Variants in SQLE observed in about 807,000 individuals in gnomAD.
SQLE encodes squalene monooxygenase.
A neutral mutation model predicts 60.7 loss-of-function variants in SQLE; 29 were observed. That is an observed-to-expected ratio of 0.48 (90% CI 0.36 to 0.65). The LOEUF (loss-of-function observed/expected upper bound fraction) is 0.65, where lower values mean the gene tolerates loss of function less well. Among genes scored for constraint, SQLE ranks in the 30% least tolerant of loss-of-function variants. The pLI is 0.00. For synonymous variants in SQLE, 237 were observed against 246.8 expected (o/e 0.96, Z 0.37); for missense variants, 605 against 684.1 (o/e 0.88, Z 1.29).
chr8:125,005,788 T>C (rs1814937583), intron 3 of SQLE, 83 bp downstream of exon 3: 1 of 1,230,112 alleles, frequency 8.1e-7, no homozygotes, highest in Admixed American at 3.2e-5. Flanking sequence ...ATTTTATAAA[T>C]TTTAATGAAT....
chr8:125,010,979 A>G (rs570339445), intron 6 of SQLE: 131 of 152,302 alleles, frequency 8.6e-4, no homozygotes, highest in African/African-American at 2.9e-3. Context: ...TTCATTTTCT[A>G]TATAAGTAGC....
chr8:125,017,752 AGGCCTTACAAATGTATT>A (rs1222094737), intron 7 of SQLE, among the ~76,000 whole-genome samples: 5 of 152,116 alleles, frequency 3.3e-5, no homozygotes, highest in Non-Finnish European at 5.9e-5. Flanking sequence ...TATTTTAAGG[AGGCCTTACAAATGTATT>A]GACATTATTG....
intron 6 of SQLE, among the ~76,000 whole-genome samples, chr8:125,010,038 C>T (rs918042337): frequency 6.6e-6 from 1 of 152,168 alleles, no homozygotes; most frequent in East Asian, 1.9e-4. Context: ...TATGTAACCA[C>T]TCTGTGAGGT....
At chr8:125,009,475 C>A in intron 6 of SQLE, 132 bp downstream of exon 6, 1 of 947,914 alleles carries the variant, frequency 1.1e-6, no homozygotes, top group Non-Finnish European at 1.5e-6. Context: ...CACTTAAAAA[C>A]AGCAAAACAA....
intron 1 of SQLE, among the ~76,000 whole-genome samples, chr8:125,002,138 A>C (rs1350215662): frequency 1.3e-5 from 2 of 152,152 alleles, no homozygotes; most frequent in Non-Finnish European, 2.9e-5. Flanking sequence ...TTAGAGTATC[A>C]GGATGGGGAA....
chr8:125,006,865 T>A (rs1199688702), intron 3 of SQLE, among the ~76,000 whole-genome samples: 1 of 151,634 alleles, frequency 6.6e-6, no homozygotes, highest in Admixed American at 6.6e-5. Context: ...CCACCACGCC[T>A]GGCAAATTTT....
chr8:125,020,746 G>A (rs1340664901), intron 9 of SQLE, 38 bp from the exon 10 acceptor site: 3 of 1,279,032 alleles, frequency 2.3e-6, no homozygotes, highest in Non-Finnish European at 2.3e-6. Context: ...CTACATAAGT[G>A]TGTACACATA....
chr8:125,001,608 TG>T (rs1264475168), intron 1 of SQLE, among the ~76,000 whole-genome samples: 1 of 151,048 alleles, frequency 6.6e-6, no homozygotes, highest in East Asian at 1.9e-4. Context: ...GACATACTAA[TG>T]GGAAGAGTAG....
At chr8:125,007,512 T>C in intron 4 of SQLE, 25 bp downstream of exon 4, 1 of 1,453,444 alleles carries the variant, frequency 6.9e-7, no homozygotes, top group Non-Finnish European at 9.3e-7. Context: ...ATGTCACCTC[T>C]TCCTAAGAGA....
At chr8:125,005,746 A>G (rs1254851879) in intron 3 of SQLE, 41 bp downstream of exon 3, 16 of 1,449,172 alleles carry the variant, frequency 1.1e-5, no homozygotes, top group Non-Finnish European at 1.5e-5. Flanking sequence ...TAAAGAATCA[A>G]TGCATTTAAA....
rs771221997 is a variant in SQLE at position 125,008,925 on chromosome 8, G to A, written c.823-46G>A. 3.7e-6 allele frequency: 5 copies of A among 1,346,078 alleles called. No individual in the cohort carries two copies. In the Admixed American group the frequency reaches 1.2e-4, roughly 31 times the overall value. 83.4% of individuals were successfully genotyped at this position (1,346,078 alleles called of 1,614,324 possible). A position where few individuals can be genotyped will look rare whatever the true frequency, so the allele number is the denominator to read the frequency against. ...TTTTTTAAGAATGGCTTTTTTTACT[G>A]TGTGTTTCTGACTACTAAACTGAGT... On this transcript the variant is annotated intron_variant, in intron 4 of 10. Coordinates refer to ENST00000265896, the MANE Select transcript of SQLE (RefSeq NM_003129.4).
intron 7 of SQLE, among the ~76,000 whole-genome samples, chr8:125,014,004 G>A (rs1815075804): frequency 6.6e-6 from 1 of 152,162 alleles, no homozygotes; most frequent in Non-Finnish European, 1.5e-5. Context: ...AAGAGGCAGT[G>A]GCATGATTAG....
At position 125,022,159 on chromosome 8, in the gene SQLE, T is replaced by TA. The variant is rs1173044242; in HGVS notation, c.*215dup. 8.9e-6 allele frequency: 3 copies of TA among 338,340 alleles called. No individual in the cohort carries two copies. The highest frequency in any genetic ancestry group is 1.6e-5 in the Non-Finnish European group (3 of 188,788). 21.0% of individuals were successfully genotyped at this position (338,340 alleles called of 1,614,324 possible). A position where few individuals can be genotyped will look rare whatever the true frequency, so the allele number is the denominator to read the frequency against. On this transcript the variant is annotated 3_prime_UTR_variant, in exon 11 of 11. Coordinates refer to ENST00000265896, the MANE Select transcript of SQLE (RefSeq NM_003129.4). Reference sequence around the variant, plus strand: ...TTTAAAATGAAGGGGTTAAATAAGTTAGACATTTAAAAGAAATGATTGTTA... The same window carrying TA: ...TTTAAAATGAAGGGGTTAAATAAGTTAAGACATTTAAAAGAAATGATTGTTA...
chr8:125,007,096 C>T (rs1047843479), intron 3 of SQLE, among the ~76,000 whole-genome samples: 3 of 151,986 alleles, frequency 2.0e-5, no homozygotes, highest in Non-Finnish European at 4.4e-5. Context: ...AGTTTCTCTG[C>T]CTATATTTTA....
At chr8:125,000,644 G>C (rs1257501783) in intron 1 of SQLE, among the ~76,000 whole-genome samples, 1 of 151,930 alleles carries the variant, frequency 6.6e-6, no homozygotes, top group East Asian at 1.9e-4. Flanking sequence ...TGTGGAGACA[G>C]GGTTTCACCA....
At position 124,999,306 on chromosome 8, in the gene SQLE, C is replaced by G; in HGVS notation, c.-98C>G. On this transcript the variant is annotated 5_prime_UTR_variant, in exon 1 of 11. Coordinates refer to ENST00000265896, the MANE Select transcript of SQLE (RefSeq NM_003129.4). Reference sequence around the variant, plus strand: ...TGTTTACTGGAGTCTGGCCGGCTCTCCGTGCTCCTCTTGGTACCTCATTTT... The same window carrying G: ...TGTTTACTGGAGTCTGGCCGGCTCTGCGTGCTCCTCTTGGTACCTCATTTT... The G allele has an allele frequency of 2.4e-6, 3 of 1,249,170 alleles. No homozygotes were observed. Among genetic ancestry groups the G allele is most frequent in the East Asian group, 5.7e-5 (2 of 35,178 alleles). The allele number at this position is 1,249,170 out of a possible 1,614,324, so 77.4% of individuals were successfully genotyped here.
chr8:125,011,439 T>G (rs770977110), intron 6 of SQLE, 98 bp from the exon 7 acceptor site: 1 of 852,820 alleles, frequency 1.2e-6, no homozygotes, highest in Non-Finnish European at 1.9e-6. Flanking sequence ...ATAACAGATG[T>G]ATAGTAGGCA....
chr8:125,000,364 C>G lies in SQLE; in HGVS notation c.291+670C>G, dbSNP rs117545679. ...TTAGGGCATGTTGGCAATGAGTGTT[C>G]GGGCTTTTTCCCAAGAGTTCTCCCA... On this transcript the variant is annotated intron_variant, in intron 1 of 10. Coordinates refer to ENST00000265896, the MANE Select transcript of SQLE (RefSeq NM_003129.4). Among the ~76,000 whole-genome samples, 762 of 152,256 alleles carry G rather than the reference C, an allele frequency of 5.0e-3. 11 individuals carry two copies. Among genetic ancestry groups the G allele is most frequent in the East Asian group, 0.031 (160 of 5,178 alleles).
rs3793401 is a variant in SQLE, at chr8:125,009,580, G to A, written c.1108+237G>A. Among the ~76,000 whole-genome samples, 112 of 152,298 alleles carry A rather than the reference G, an allele frequency of 7.4e-4. 2 individuals carry two copies. In the East Asian group the frequency reaches 0.01, roughly 14 times the overall value. ...GGAGGCTGAGGTGGGCAGATCACCT[G>A]AGGTTGGGAGTTCAAGACCAGCCTG... On this transcript the variant is annotated intron_variant, in intron 6 of 10. Transcript: ENST00000265896.
Sources: allele counts gnomAD v4.1 joint callset (sites outside exome capture counted in the v4.1 genomes callset), GRCh38; gene constraint gnomAD v4.1.1; transcripts MANE v1.5; gene names NCBI Gene and HGNC (gene_info 2026-07-23, HGNC 2026-07-21).